The following ATG2B variants were observed in gnomAD, a reference collection of about 807,000 sequenced individuals.
The protein encoded by ATG2B is autophagy related 2B.
Under a neutral mutation model 241.3 loss-of-function variants are expected in ATG2B, and 121 were observed. The observed-to-expected ratio is 0.50, with a 90% CI of 0.43 to 0.58. The LOEUF is 0.58. ATG2B is among the 20% of genes least tolerant of loss of function. The probability of loss-of-function intolerance (pLI) is 0.00; values close to 1 mark genes in which losing one functional copy is unlikely to be tolerated. For missense variants in ATG2B, 2,306 were observed against 2,491.6 expected (o/e 0.93, Z 1.59); for synonymous variants, 858 against 876.6 (o/e 0.98, Z 0.37).
rs754149184 is a variant in ATG2B at position 96,347,327 on chromosome 14, G to T, written c.177C>A (p.Ile59=). 7.6e-5 allele frequency: 120 copies of T among 1,580,656 alleles called. No homozygotes were observed. The highest frequency in any genetic ancestry group is 1.5e-4 in the South Asian group (13 of 88,096). ...VPLDKWCLNE[I]LESADAPLEV... ...CTAAGGGTGCATCTGCTGACTCCAAGATCTCATTGAGACACTAAGGAGAAA... is the reference window on the plus strand; with the variant it reads ...CTAAGGGTGCATCTGCTGACTCCAATATCTCATTGAGACACTAAGGAGAAA... Residue 59 remains isoleucine, a synonymous_variant, in exon 2 of 42, where the codon ATC becomes ATA. Transcript: ENST00000359933.
At chr14:96,323,690 A>C (rs1053388447) in intron 16 of ATG2B, among the ~76,000 whole-genome samples, 3 of 152,240 alleles carry the variant, frequency 2.0e-5, no homozygotes, top group Non-Finnish European at 4.4e-5. Context: ...GGAGTAAAGC[A>C]AGGCAGGCAG....
At chr14:96,287,968 C>T (rs1886383957) in intron 41 of ATG2B, among the ~76,000 whole-genome samples, 1 of 151,908 alleles carries the variant, frequency 6.6e-6, no homozygotes. Flanking sequence ...CTTTGACTTA[C>T]TGACATCTAA....
In ATG2B at chr14:96,280,285, C is replaced by T. The variant is rs1033487533; in HGVS notation, c.*5470G>A. 3 of 152,202 alleles carry T rather than the reference C, an allele frequency of 2.0e-5. No homozygotes were observed. Among genetic ancestry groups the T allele is most frequent in the Admixed American group, 2.0e-4 (3 of 15,286 alleles). 9.4% of individuals were successfully genotyped at this position (152,202 alleles called of 1,614,324 possible). A position where few individuals can be genotyped will look rare whatever the true frequency, so the allele number is the denominator to read the frequency against. On this transcript the variant is annotated 3_prime_UTR_variant, in exon 42 of 42. Coordinates refer to ENST00000359933, the MANE Select transcript of ATG2B (RefSeq NM_018036.7). ...CTCCAAGCTTTTCTTAAATGAAGTC[C>T]TGGGAAGAGCATGAGGTCTGGAAGT...
rs1256051433 is a variant in ATG2B, at chr14:96,322,203, T to C, written c.2788A>G (p.Ile930Val). 1.3e-6 allele frequency: 2 copies of C among 1,599,274 alleles called. No individual in the cohort carries two copies. The highest frequency in any genetic ancestry group is 1.7e-6 in the Non-Finnish European group (2 of 1,175,524). Residue 930 changes from isoleucine (I) to valine (V), a missense_variant, in exon 18 of 42, where the codon ATC (isoleucine) becomes GTC (valine). Transcript: ENST00000359933. The part of the protein sequence containing the change: ...VEMTEFQDKA[I>V]SNSHYVLELT... Reference sequence around the variant, plus strand: ...TCCAGCACATAGTGAGAATTGCTGATTGCTTTATCCTGAAATTCTGTCATT... The same window carrying C: ...TCCAGCACATAGTGAGAATTGCTGACTGCTTTATCCTGAAATTCTGTCATT...
At chr14:96,302,586 A>G (rs1886822747) in intron 33 of ATG2B, among the ~76,000 whole-genome samples, 1 of 152,206 alleles carries the variant, frequency 6.6e-6, no homozygotes, top group Non-Finnish European at 1.5e-5. Flanking sequence ...GGGGAAAAAA[A>G]AAACTGCTTA....
chr14:96,317,774 C>A lies in ATG2B; in HGVS notation c.2961G>T (p.Gly987=), dbSNP rs1367836008. 6.2e-7 allele frequency: 1 copy of A among 1,612,990 alleles called. No individual in the cohort carries two copies. The highest frequency in any genetic ancestry group is 8.5e-7 in the Non-Finnish European group (1 of 1,179,230). The part of the protein sequence containing the change: ...ETFENISYGI[G]LSVASQLINT... ...TAATGAGCTGACTGGCTACTGAAAG[C>A]CCAATGCCATAGGAAATATTCTCGA... Residue 987 remains glycine, a synonymous_variant, in exon 19 of 42, where the codon GGG becomes GGT. Coordinates refer to ENST00000359933, the MANE Select transcript of ATG2B (RefSeq NM_018036.7).
chr14:96,312,210 C>T, intron 25 of ATG2B, 51 bp from the exon 26 acceptor site: 1 of 1,287,126 alleles, frequency 7.8e-7, no homozygotes, highest in East Asian at 2.3e-5. Flanking sequence ...CTTTGAGTAT[C>T]ATACCCCATA....
intron 38 of ATG2B, among the ~76,000 whole-genome samples, chr14:96,291,376 A>G (rs978284628): frequency 6.6e-6 from 1 of 152,222 alleles, no homozygotes; most frequent in Non-Finnish European, 1.5e-5. Flanking sequence ...TATTTAAAAT[A>G]TCCTAAACTA....
chr14:96,335,695 T>C (rs955521217), intron 6 of ATG2B, among the ~76,000 whole-genome samples: 6 of 152,128 alleles, frequency 3.9e-5, no homozygotes, highest in African/African-American at 1.2e-4. Flanking sequence ...CGGGGCACCT[T>C]CCTGACTACT....
At chr14:96,345,143 A>G (rs754725175) in intron 3 of ATG2B, 90 bp downstream of exon 3, 3 of 938,812 alleles carry the variant, frequency 3.2e-6, no homozygotes, top group Non-Finnish European at 4.7e-6. Context: ...ATCCATTCCA[A>G]TGGATTTGCC....
At chr14:96,337,274 A>C (rs560276377) in intron 6 of ATG2B, among the ~76,000 whole-genome samples, 15 of 152,206 alleles carry the variant, frequency 9.9e-5, no homozygotes, top group Non-Finnish European at 2.1e-4. Context: ...CTTAATTAAA[A>C]CTACGTTTTA....
rs998945064 is a variant in ATG2B at position 96,319,150 on chromosome 14, A to G, written c.2880-1295T>C. ...TGCCAGGACAATTCTTGAGCTTCTG[A>G]AGTCCTAGAAGGTGTACACCAGGAC... is the stretch of plus-strand genomic sequence containing the variant. On this transcript the variant is annotated intron_variant, in intron 18 of 41. Transcript: ENST00000359933. 2.0e-5 allele frequency among the ~76,000 whole-genome samples: 3 copies of G among 152,254 alleles called. No individual in the cohort carries two copies. The South Asian group carries it at 6.2e-4, about 32-fold the overall frequency.
intron 1 of ATG2B, among the ~76,000 whole-genome samples, chr14:96,361,617 C>A (rs1888630407): frequency 6.6e-6 from 1 of 152,048 alleles, no homozygotes; most frequent in Admixed American, 6.5e-5. Flanking sequence ...ATAAGACGGA[C>A]GACACAGAGA....
At position 96,359,181 on chromosome 14, in the gene ATG2B, G is replaced by A. The variant is rs1052218689; in HGVS notation, c.162+3634C>T. 3.9e-5 allele frequency among the ~76,000 whole-genome samples: 6 copies of A among 152,078 alleles called. No homozygotes were observed. In the East Asian group the frequency reaches 1.2e-3, roughly 29 times the overall value. ...GAGTCCAGGAGTTCAAGACCAGCCT[G>A]GGCAACATGGCGAAATCCCGTCTCT... On this transcript the variant is annotated intron_variant, in intron 1 of 41. Transcript: ENST00000359933.
At chr14:96,338,658 T>G (rs1163330482) in intron 6 of ATG2B, among the ~76,000 whole-genome samples, 1 of 152,092 alleles carries the variant, frequency 6.6e-6, no homozygotes, top group Non-Finnish European at 1.5e-5. Flanking sequence ...ACCAAAGATG[T>G]AAATATAAGA....
chr14:96,332,296 T>C lies in ATG2B; in HGVS notation c.1468+9A>G, dbSNP rs1271937235. ...GGAAACTAACAACAAATGTCTTATT[T>C]TTACTTACATGTCTTCTGTAAAGGT... On this transcript the variant is annotated intron_variant, in intron 10 of 41. Transcript: ENST00000359933. 6.2e-7 allele frequency: 1 copy of C among 1,601,338 alleles called. No homozygotes were observed. The highest frequency in any genetic ancestry group is 1.1e-5 in the South Asian group (1 of 90,234).
At chr14:96,311,889 C>A (rs1408179025) in intron 26 of ATG2B, among the ~76,000 whole-genome samples, 200 bp downstream of exon 26, 1 of 152,100 alleles carries the variant, frequency 6.6e-6, no homozygotes, top group African/African-American at 2.4e-5. Context: ...CAATTTCAAA[C>A]TGAAAAACCA....
At chr14:96,360,896 C>G (rs1321067319) in intron 1 of ATG2B, among the ~76,000 whole-genome samples, 1 of 130,002 alleles carries the variant, frequency 7.7e-6, no homozygotes, top group African/African-American at 3.0e-5. Context: ...AGTTCAAGAC[C>G]AGCTTTGGCA....
At chr14:96,286,919 C>T (rs1280516607) in intron 41 of ATG2B, among the ~76,000 whole-genome samples, 3 of 152,018 alleles carry the variant, frequency 2.0e-5, no homozygotes, top group Admixed American at 6.6e-5. Flanking sequence ...TCCTATCTAC[C>T]CAGTATATCT....
Sources: allele counts gnomAD v4.1 joint callset (sites outside exome capture counted in the v4.1 genomes callset), GRCh38; gene constraint gnomAD v4.1.1; transcripts MANE v1.5; gene names NCBI Gene and HGNC (gene_info 2026-07-23, HGNC 2026-07-21).